GALNT13: variants seen among roughly 807,000 people sequenced by gnomAD.
The protein encoded by GALNT13 is polypeptide N-acetylgalactosaminyltransferase 13.
Under a neutral mutation model 64.2 loss-of-function variants are expected in GALNT13, and 28 were observed. The observed-to-expected ratio is 0.44, with a 90% CI of 0.32 to 0.60. The LOEUF (loss-of-function observed/expected upper bound fraction) is 0.60, where lower values mean the gene tolerates loss of function less well. Among genes scored for constraint, GALNT13 ranks in the 20% least tolerant of loss-of-function variants. GALNT13 has a pLI of 0.05. For missense variants in GALNT13, 577 were observed against 669.8 expected (o/e 0.86, Z 1.53); for synonymous variants, 214 against 224.6 (o/e 0.95, Z 0.42).
At chr2:153,478,688 T>A in the GALNT13 span, 1 of 810,128 alleles carries the variant, frequency 1.2e-6, no homozygotes, top group Non-Finnish European at 1.9e-6. Context: ...GGCTCCTCGC[T>A]CTGCTTTCGA....
intron 3 of GALNT13, among the ~76,000 whole-genome samples, chr2:154,007,459 C>T (rs935790397): frequency 6.6e-6 from 1 of 151,940 alleles, no homozygotes; most frequent in African/African-American, 2.4e-5. Flanking sequence ...TGCGATTATT[C>T]TGTATAGTTC....
At chr2:153,286,248 T>TA in the GALNT13 span, among the ~76,000 whole-genome samples, 1 of 152,168 alleles carries the variant, frequency 6.6e-6, no homozygotes, top group Non-Finnish European at 1.5e-5. Flanking sequence ...TTATAGTACT[T>TA]ACCAGTAGCC....
At chr2:153,296,768 A>G in the GALNT13 span, among the ~76,000 whole-genome samples, 1 of 152,134 alleles carries the variant, frequency 6.6e-6, no homozygotes, top group Non-Finnish European at 1.5e-5. Context: ...TAAAACTTGT[A>G]AAAATACTGA....
At chr2:153,328,049 T>A in the GALNT13 span, among the ~76,000 whole-genome samples, 1 of 152,068 alleles carries the variant, frequency 6.6e-6, no homozygotes, top group African/African-American at 2.4e-5. Flanking sequence ...TTTTTTCTCA[T>A]AGTCAGGTCC....
At chr2:154,110,892 TA>T (rs1431190748) in intron 3 of GALNT13, among the ~76,000 whole-genome samples, 1 of 152,154 alleles carries the variant, frequency 6.6e-6, no homozygotes, top group Non-Finnish European at 1.5e-5. Flanking sequence ...ACTCCTAACA[TA>T]ATACCTTGTA....
chr2:153,607,484 T>G, the GALNT13 span, among the ~76,000 whole-genome samples: 1 of 152,222 alleles, frequency 6.6e-6, no homozygotes, highest in Non-Finnish European at 1.5e-5. Flanking sequence ...CAGAAAGAAC[T>G]CAAGTGTCAG....
the GALNT13 span, among the ~76,000 whole-genome samples, chr2:153,513,462 A>G: frequency 6.6e-6 from 1 of 152,122 alleles, no homozygotes; most frequent in Admixed American, 6.6e-5. Flanking sequence ...GTCAATATCT[A>G]TGTCTATCTC....
intron 1 of GALNT13, among the ~76,000 whole-genome samples, chr2:153,873,862 C>T (rs1314798598): frequency 1.3e-5 from 2 of 149,992 alleles, no homozygotes; most frequent in Non-Finnish European, 3.0e-5. Context: ...CTCTCTCTCG[C>T]TGTCTCCCTG....
At chr2:154,166,495 G>A (rs1349506432) in intron 4 of GALNT13, among the ~76,000 whole-genome samples, 1 of 152,208 alleles carries the variant, frequency 6.6e-6, no homozygotes, top group Non-Finnish European at 1.5e-5. Context: ...TGGAGAGGAT[G>A]TGGAGAAATA....
intron 9 of GALNT13, among the ~76,000 whole-genome samples, chr2:154,340,504 G>T (rs1262867398): frequency 6.6e-6 from 1 of 151,956 alleles, no homozygotes; most frequent in Non-Finnish European, 1.5e-5. Flanking sequence ...TTAATAAAAT[G>T]TTTTTTTGAT....
At chr2:153,510,757 T>C in the GALNT13 span, among the ~76,000 whole-genome samples, 1 of 95,726 alleles carries the variant, frequency 1.0e-5, no homozygotes, top group Non-Finnish European at 1.8e-5. Flanking sequence ...AGCTGTGGTC[T>C]AAAATAGGAG....
Position 154,103,339 on chromosome 2 carries a change from G to T in GALNT13, c.143-36998G>T, listed in dbSNP as rs571068459. 2.3e-4 allele frequency among the ~76,000 whole-genome samples: 35 copies of T among 152,196 alleles called. 1 individual carries two copies. The highest frequency in any genetic ancestry group is 8.4e-4 in the African/African-American group (35 of 41,562). The stretch of plus-strand genomic sequence containing the variant: ...TCCTATAGTGAATTTTCCATTTACA[G>T]AAATTGTTTTTTAAAAAACATATCT... On this transcript the variant is annotated intron_variant, in intron 3 of 12. Transcript: ENST00000392825.
the GALNT13 span, among the ~76,000 whole-genome samples, chr2:153,861,508 G>T: frequency 6.6e-6 from 1 of 151,072 alleles, no homozygotes; most frequent in African/African-American, 2.4e-5. Flanking sequence ...AATAAAAGTA[G>T]AAGTTCTGCT....
chr2:153,399,287 C>G, the GALNT13 span, among the ~76,000 whole-genome samples: 2 of 152,124 alleles, frequency 1.3e-5, no homozygotes, highest in African/African-American at 2.4e-5. Flanking sequence ...ATCTATATCT[C>G]TGTTTTGGTG....
the GALNT13 span, among the ~76,000 whole-genome samples, chr2:153,698,846 T>A: frequency 6.6e-6 from 1 of 152,158 alleles, no homozygotes; most frequent in Non-Finnish European, 1.5e-5. Flanking sequence ...AGTAAAACAT[T>A]CCTCAGCAAA....
rs187121362 is a variant in GALNT13, at chr2:154,335,789, T to A, written c.1156+34200T>A. On this transcript the variant is annotated intron_variant, in intron 9 of 12. Transcript: ENST00000392825. ...TTATAAACAGCATAACAATGAATAT[T>A]TTTAAAGTAAATGTTTGCCCATTCT... is the stretch of plus-strand genomic sequence containing the variant. Among the ~76,000 whole-genome samples the A allele has an allele frequency of 2.8e-4, 42 of 152,206 alleles. 1 individual carries two copies. The highest frequency in any genetic ancestry group is 2.8e-3 in the Admixed American group (42 of 15,258).
the GALNT13 span, among the ~76,000 whole-genome samples, chr2:153,716,433 C>A: frequency 6.6e-6 from 1 of 152,024 alleles, no homozygotes; most frequent in African/African-American, 2.4e-5. Context: ...CTTCTCCTTC[C>A]AGTGTGGCCC....
chr2:154,264,782 A>G (rs1469978836), intron 8 of GALNT13, among the ~76,000 whole-genome samples: 6 of 102,482 alleles, frequency 5.9e-5, no homozygotes, highest in African/African-American at 2.1e-4. Context: ...CTAAATGTCT[A>G]TATCAGAAAA....
At chr2:153,590,690 T>C in the GALNT13 span, among the ~76,000 whole-genome samples, 1 of 152,258 alleles carries the variant, frequency 6.6e-6, no homozygotes, top group Admixed American at 6.5e-5. Flanking sequence ...ATAAATTTGG[T>C]ACATACATCA....
Sources: gnomAD v4.1 joint callset for allele counts (sites outside exome capture counted in the v4.1 genomes callset) on GRCh38, gnomAD v4.1.1 for gene constraint, MANE v1.5 for transcripts, NCBI Gene and HGNC (gene_info 2026-07-23, HGNC 2026-07-21) for gene names.